RORA: variants seen among roughly 807,000 people sequenced by gnomAD.
RORA encodes RAR related orphan receptor A, also known as nuclear receptor ROR-alpha.
Under a neutral mutation model 69.5 loss-of-function variants are expected in RORA, and 7 were observed. The ratio of observed to expected loss-of-function variants is 0.10; its 90% confidence interval spans 0.06 to 0.19. RORA has a LOEUF of 0.19. Ranked by LOEUF, RORA falls within the 10% of genes least tolerant of loss-of-function variation. The pLI, the probability that RORA is intolerant of heterozygous loss-of-function variation, is 1.00. For synonymous variants in RORA, 261 were observed against 240.8 expected (o/e 1.08, Z -0.78); for missense variants, 457 against 663.0 (o/e 0.69, Z 3.41).
intron 1 of RORA, among the ~76,000 whole-genome samples, chr15:60,977,958 A>G (rs572807240): frequency 1.3e-5 from 2 of 152,328 alleles, no homozygotes; most frequent in African/African-American, 4.8e-5. Flanking sequence ...TATGTTTTCA[A>G]TTCTTGGATA....
At chr15:60,913,069 T>C (rs1055276859) in intron 1 of RORA, among the ~76,000 whole-genome samples, 1 of 152,188 alleles carries the variant, frequency 6.6e-6, no homozygotes, top group Non-Finnish European at 1.5e-5. Context: ...TATAGCACTA[T>C]AGGGTTTATT....
chr15:60,618,527 T>C lies in RORA; in HGVS notation c.196+60130A>G, dbSNP rs183634114. ...GAGGCAGGATACCTACTTTATGTTA[T>C]AGTTGCCCCTACCAAATTTCAACTC... On this transcript the variant is annotated intron_variant, in intron 2 of 10. Transcript: ENST00000335670. 8.5e-5 allele frequency among the ~76,000 whole-genome samples: 13 copies of C among 152,312 alleles called. No homozygotes were observed. In the East Asian group the frequency reaches 2.3e-3, roughly 27 times the overall value.
intron 1 of RORA, among the ~76,000 whole-genome samples, chr15:61,046,509 G>A (rs530776205): frequency 1.3e-5 from 2 of 152,322 alleles, no homozygotes; most frequent in African/African-American, 4.8e-5. Context: ...TGCTGGAGCA[G>A]CTTAGAGATC....
intron 1 of RORA, among the ~76,000 whole-genome samples, chr15:61,202,535 C>CA (rs1220674792): frequency 3.3e-5 from 5 of 151,936 alleles, no homozygotes; most frequent in Non-Finnish European, 5.9e-5. Context: ...CAGGGGCACT[C>CA]ACCTTCATCT....
At chr15:60,752,366 C>T (rs964399936) in intron 1 of RORA, among the ~76,000 whole-genome samples, 1 of 152,076 alleles carries the variant, frequency 6.6e-6, no homozygotes, top group African/African-American at 2.4e-5. Context: ...AGCGCAGGGA[C>T]GTGTGAAAGG....
intron 1 of RORA, among the ~76,000 whole-genome samples, chr15:61,088,876 C>T (rs894057296): frequency 1.3e-5 from 2 of 152,174 alleles, no homozygotes; most frequent in Non-Finnish European, 2.9e-5. Context: ...AGCCAAACCT[C>T]TAAAATCTCC....
chr15:60,821,137 A>G (rs2072887924), intron 1 of RORA, among the ~76,000 whole-genome samples: 1 of 152,140 alleles, frequency 6.6e-6, no homozygotes, highest in African/African-American at 2.4e-5. Context: ...CCACCAGGTA[A>G]CAGGGCCAGT....
At chr15:60,820,860 T>C (rs138052279) in intron 1 of RORA, among the ~76,000 whole-genome samples, 1 of 152,364 alleles carries the variant, frequency 6.6e-6, no homozygotes, top group African/African-American at 2.4e-5. Flanking sequence ...GAGAGAACTA[T>C]GAGTGAAGCT....
intron 1 of RORA, among the ~76,000 whole-genome samples, chr15:60,785,199 T>G (rs977531842): frequency 1.3e-5 from 2 of 152,238 alleles, no homozygotes; most frequent in Non-Finnish European, 2.9e-5. Flanking sequence ...AATGAACAGT[T>G]TCAGTGTCTG....
At chr15:60,775,584 C>T (rs573403616) in intron 1 of RORA, among the ~76,000 whole-genome samples, 18 of 152,156 alleles carry the variant, frequency 1.2e-4, no homozygotes, top group Non-Finnish European at 2.2e-4. Context: ...CCTTCTTTCC[C>T]TCTTTGCTCT....
At chr15:60,702,258 C>G (rs2070994120) in intron 1 of RORA, among the ~76,000 whole-genome samples, 1 of 152,178 alleles carries the variant, frequency 6.6e-6, no homozygotes, top group Non-Finnish European at 1.5e-5. Context: ...CAGAGTCTCG[C>G]TCTGTCACCC....
intron 1 of RORA, among the ~76,000 whole-genome samples, chr15:61,170,242 G>T (rs555940498): frequency 6.6e-6 from 1 of 152,168 alleles, no homozygotes; most frequent in Non-Finnish European, 1.5e-5. Flanking sequence ...CAAGGAGTTG[G>T]CAGGCTTGTA....
intron 1 of RORA, among the ~76,000 whole-genome samples, chr15:60,751,136 C>T (rs2071717560): frequency 6.6e-6 from 1 of 152,292 alleles, no homozygotes. Flanking sequence ...AGGAGTATGT[C>T]TCCTAAGAGC....
chr15:60,628,074 G>C (rs2069638970), intron 2 of RORA, among the ~76,000 whole-genome samples: 1 of 152,130 alleles, frequency 6.6e-6, no homozygotes, highest in Non-Finnish European at 1.5e-5. Context: ...TTAACGTATT[G>C]CTTTACTATG....
chr15:60,996,726 T>C (rs7181520), intron 1 of RORA, among the ~76,000 whole-genome samples: 150,199 of 152,026 alleles, frequency 0.99, 74,233 homozygotes, highest in Middle Eastern at 1. Context: ...CTGGCTAACA[T>C]GGTGAAACCC....
intron 1 of RORA, among the ~76,000 whole-genome samples, chr15:60,981,382 CT>C (rs1030113907): frequency 1.3e-5 from 2 of 151,996 alleles, no homozygotes; most frequent in African/African-American, 4.8e-5. Context: ...ACCATTATTT[CT>C]TCAAATCATG....
chr15:61,028,733 G>A (rs1895963577), intron 1 of RORA, among the ~76,000 whole-genome samples: 1 of 152,204 alleles, frequency 6.6e-6, no homozygotes, highest in Non-Finnish European at 1.5e-5. Context: ...TGGCCCAAAT[G>A]TCTATCAACT....
chr15:60,497,758 A>T (rs2065205997), intron 10 of RORA, 139 bp from the exon 11 acceptor site: 1 of 706,666 alleles, frequency 1.4e-6, no homozygotes, highest in Non-Finnish European at 2.4e-6. Flanking sequence ...GTAGCAGAGG[A>T]TTGGTAAAAA....
chr15:60,548,270 C>G (rs1326874452), intron 2 of RORA, among the ~76,000 whole-genome samples: 1 of 152,176 alleles, frequency 6.6e-6, no homozygotes, highest in Non-Finnish European at 1.5e-5. Flanking sequence ...TGATGCTCTT[C>G]TGAAATGAAA....
Sources: gnomAD v4.1 joint callset for allele counts (sites outside exome capture counted in the v4.1 genomes callset) on GRCh38, gnomAD v4.1.1 for gene constraint, MANE v1.5 for transcripts, NCBI Gene and HGNC (gene_info 2026-07-23, HGNC 2026-07-21) for gene names.